Variants in WRN observed in about 807,000 individuals in gnomAD.
WRN encodes the protein WRN RecQ like helicase, also known as bifunctional 3'-5' exonuclease/ATP-dependent helicase WRN.
WRN carries 149 observed loss-of-function variants against 180.7 expected under a neutral mutation model. That is an observed-to-expected ratio of 0.82 (90% CI 0.72 to 0.94). WRN has a LOEUF of 0.94. WRN is among the 40% of genes least tolerant of loss of function. The probability of loss-of-function intolerance (pLI) is 0.00; values close to 1 mark genes in which losing one functional copy is unlikely to be tolerated. For missense variants in WRN, 1,661 were observed against 1,700.1 expected, an observed-to-expected ratio of 0.98 and a Z score of 0.40; for synonymous variants, 548 against 568.9, an observed-to-expected ratio of 0.96 and a Z score of 0.52.
chr8:31,044,061 A>G (rs1811755425), intron 1 of WRN, among the ~76,000 whole-genome samples: 1 of 149,756 alleles, frequency 6.7e-6, no homozygotes, highest in East Asian at 1.9e-4. Flanking sequence ...TTTTTTTTTT[A>G]GACGGAGTCT....
At chr8:31,081,652 A>G (rs895938472) in intron 9 of WRN, among the ~76,000 whole-genome samples, 2 of 152,180 alleles carry the variant, frequency 1.3e-5, no homozygotes, top group African/African-American at 4.8e-5. Flanking sequence ...TGCTTTTTTC[A>G]TAATAGATGT....
chr8:31,119,581 A>G (rs1478200880), intron 20 of WRN, among the ~76,000 whole-genome samples: 1 of 151,918 alleles, frequency 6.6e-6, no homozygotes, highest in Non-Finnish European at 1.5e-5. Context: ...AGATTAGTGT[A>G]TACGATTTAC....
In WRN at chr8:31,174,343, G is replaced by A. The variant is rs991077751; in HGVS notation, c.*1241G>A. Among the ~76,000 whole-genome samples the A allele has an allele frequency of 4.6e-5, 7 of 152,214 alleles. No individual in the cohort carries two copies. Among genetic ancestry groups the A allele is most frequent in the African/African-American group, 1.4e-4 (6 of 41,460 alleles). On this transcript the variant is annotated 3_prime_UTR_variant, in exon 35 of 35. Coordinates refer to ENST00000298139, the MANE Select transcript of WRN (RefSeq NM_000553.6). ...ACACGTCTGCTGCATGCCTAGGTAC[G>A]AGGCTGTCTCCAGGAGAAGCACTTG...
chr8:31,165,142 A>T (rs1386311478), intron 33 of WRN, among the ~76,000 whole-genome samples: 1 of 152,078 alleles, frequency 6.6e-6, no homozygotes, highest in African/African-American at 2.4e-5. Context: ...TTCAAAAGAG[A>T]ATAAAATATC....
At chr8:31,128,683 C>T (rs766370174) in intron 23 of WRN, among the ~76,000 whole-genome samples, 10 of 152,256 alleles carry the variant, frequency 6.6e-5, no homozygotes, top group East Asian at 1.9e-4. Context: ...CATGATGAAA[C>T]GCCGTCTCTA....
intron 32 of WRN, among the ~76,000 whole-genome samples, chr8:31,155,912 T>C (rs11574379): frequency 0.039 from 5,875 of 152,276 alleles, 375 homozygotes; most frequent in African/African-American, 0.13. Flanking sequence ...TAAATAAGAA[T>C]AAACAGTCCA....
intron 12 of WRN, among the ~76,000 whole-genome samples, chr8:31,088,204 G>C (rs148790775): frequency 6.6e-6 from 1 of 152,260 alleles, no homozygotes; most frequent in African/African-American, 2.4e-5. Context: ...TATTAAAGCT[G>C]AGAACTCTAA....
intron 1 of WRN, among the ~76,000 whole-genome samples, chr8:31,053,093 G>A (rs964754444): frequency 6.6e-6 from 1 of 152,140 alleles, no homozygotes; most frequent in Non-Finnish European, 1.5e-5. Flanking sequence ...ATAAACATTT[G>A]TAACGATCCT....
intron 17 of WRN, among the ~76,000 whole-genome samples, chr8:31,098,456 G>T (rs886785001): frequency 1.3e-5 from 2 of 152,130 alleles, no homozygotes; most frequent in Admixed American, 6.5e-5. Flanking sequence ...TGTAATGGAT[G>T]AGTTATGGAC....
rs1802681984 is a variant in WRN at position 31,142,525 on chromosome 8, G to A, written c.3234-101G>A. On this transcript the variant is annotated intron_variant, in intron 26 of 34. Transcript: ENST00000298139. ...TTTTAAGAATCACCAGTTCTAAAAG[G>A]GTAATATCTTATTCATCTTTCTGAG... is the stretch of plus-strand genomic sequence containing the variant. 3 of 907,346 alleles carry A rather than the reference G, an allele frequency of 3.3e-6. No individual in the cohort carries two copies. In the African/African-American group the frequency reaches 5.1e-5, roughly 15 times the overall value. 56.2% of individuals were successfully genotyped at this position (907,346 alleles called of 1,614,324 possible). A position where few individuals can be genotyped will look rare whatever the true frequency, so the allele number is the denominator to read the frequency against.
At chr8:31,134,780 A>T (rs1340947818) in intron 24 of WRN, among the ~76,000 whole-genome samples, 1 of 152,202 alleles carries the variant, frequency 6.6e-6, no homozygotes, top group Non-Finnish European at 1.5e-5. Context: ...GGTAGTTTTA[A>T]TCACTCTTGT....
At chr8:31,096,742 C>G (rs201709613) in intron 16 of WRN, 26 bp from the exon 17 acceptor site, 35 of 1,018,546 alleles carry the variant, frequency 3.4e-5, no homozygotes, top group East Asian at 6.3e-5. Flanking sequence ...TTTTTTTTTT[C>G]TTTTTTCTTT....
chr8:31,146,578 T>C (rs1482712257), intron 28 of WRN, among the ~76,000 whole-genome samples: 1 of 152,198 alleles, frequency 6.6e-6, no homozygotes, highest in East Asian at 1.9e-4. Flanking sequence ...ATTTTTAATT[T>C]CTAAGAATGC....
intron 1 of WRN, among the ~76,000 whole-genome samples, chr8:31,050,760 G>C (rs183658515): frequency 6.6e-6 from 1 of 152,128 alleles, no homozygotes; most frequent in East Asian, 1.9e-4. Flanking sequence ...ATTTGCATAC[G>C]TGCCCAATGT....
intron 1 of WRN, among the ~76,000 whole-genome samples, chr8:31,038,047 G>A (rs1811514868): frequency 2.0e-5 from 3 of 151,844 alleles, no homozygotes; most frequent in African/African-American, 2.4e-5. Flanking sequence ...GAATAATGCT[G>A]TTATTAACAT....
intron 1 of WRN, among the ~76,000 whole-genome samples, chr8:31,046,791 A>G (rs2129944675): frequency 6.6e-6 from 1 of 152,356 alleles, no homozygotes; most frequent in Admixed American, 6.5e-5. Flanking sequence ...ACCTATTGGT[A>G]CCTGACTTGC....
intron 11 of WRN, 26 bp from the exon 12 acceptor site, chr8:31,087,750 T>C (rs897466906): frequency 2.5e-6 from 4 of 1,608,592 alleles, no homozygotes; most frequent in Admixed American, 3.3e-5. Context: ...GTGGTTTTGC[T>C]TTTAAGATTT....
At chr8:31,155,955 A>C (rs1803369665) in intron 32 of WRN, among the ~76,000 whole-genome samples, 1 of 152,130 alleles carries the variant, frequency 6.6e-6, no homozygotes, top group South Asian at 2.1e-4. Context: ...AAATGCTCTA[A>C]TTTGACAGTC....
chr8:31,064,599 A>AT (rs1258292632), intron 4 of WRN, among the ~76,000 whole-genome samples, 165 bp downstream of exon 4: 3 of 152,072 alleles, frequency 2.0e-5, no homozygotes, highest in Admixed American at 6.6e-5. Context: ...GTTTTATTTA[A>AT]TTTTCACAAC....
Sources: gnomAD v4.1 joint callset for allele counts (sites outside exome capture counted in the v4.1 genomes callset) on GRCh38, gnomAD v4.1.1 for gene constraint, MANE v1.5 for transcripts, NCBI Gene and HGNC (gene_info 2026-07-23, HGNC 2026-07-21) for gene names.